The following GUCA1C variants were observed in gnomAD, a reference collection of about 807,000 sequenced individuals.
GUCA1C encodes guanylate cyclase activator 1C, also known as guanylyl cyclase-activating protein 3.
Under a neutral mutation model 16.2 loss-of-function variants are expected in GUCA1C, and 15 were observed. That is an observed-to-expected ratio of 0.93 (90% CI 0.62 to 1.43). The LOEUF (loss-of-function observed/expected upper bound fraction) is 1.43, where lower values mean the gene tolerates loss of function less well. Ranked by LOEUF, GUCA1C falls within the 40% of genes most tolerant of loss-of-function variation. The pLI is 0.00. For synonymous variants in GUCA1C, 78 were observed against 85.4 expected (o/e 0.91, Z 0.48); for missense variants, 275 against 244.8 (o/e 1.12, Z -0.82).
At position 108,908,155 on chromosome 3, in the gene GUCA1C, A is replaced by G; in HGVS notation, c.497T>C (p.Leu166Pro). The G allele has an allele frequency of 1.9e-6, 3 of 1,613,874 alleles. No individual in the cohort carries two copies. Among genetic ancestry groups the G allele is most frequent in the Non-Finnish European group, 2.5e-6 (3 of 1,179,752 alleles). The change falls in exon 4 of 4, where the codon CTG becomes CCG. Residue 166 changes from leucine to proline, a missense_variant. Leu to Pro is a moderately conservative substitution (Grantham distance 98). Coordinates refer to ENST00000261047, the MANE Select transcript of GUCA1C (RefSeq NM_005459.4). ...INGMAKDQDLLEIVYKSFDFS... is the reference protein window; with the variant it reads ...INGMAKDQDLPEIVYKSFDFS... ...GTCGAAGCTCTTGTAAACAATCTCC[A>G]GGAGATCCTGATCTTTTGCCATGCC... is the stretch of plus-strand genomic sequence containing the variant.
intron 1 of GUCA1C, among the ~76,000 whole-genome samples, chr3:108,948,034 T>C (rs1328522067): frequency 1.3e-5 from 2 of 152,182 alleles, no homozygotes; most frequent in African/African-American, 4.8e-5. Flanking sequence ...TTTCTGCATA[T>C]AGCTGTTGAT....
chr3:108,939,635 CTT>C (rs34695037), intron 1 of GUCA1C, among the ~76,000 whole-genome samples: 7 of 146,164 alleles, frequency 4.8e-5, no homozygotes, highest in Admixed American at 6.8e-5. Context: ...CCAAGGCTGA[CTT>C]TTTTTTTTTT....
intron 1 of GUCA1C, among the ~76,000 whole-genome samples, chr3:108,952,614 T>C (rs1454613919): frequency 6.6e-6 from 1 of 152,176 alleles, no homozygotes; most frequent in South Asian, 2.1e-4. Context: ...TGCTAAATTC[T>C]ACACATCCTA....
chr3:108,922,637 T>A (rs2107287543), intron 1 of GUCA1C, among the ~76,000 whole-genome samples: 1 of 152,318 alleles, frequency 6.6e-6, no homozygotes, highest in African/African-American at 2.4e-5. Context: ...TGTGTATATC[T>A]TCTTTTGAGA....
chr3:108,938,558 A>G (rs552063249), intron 1 of GUCA1C, among the ~76,000 whole-genome samples: 1 of 152,328 alleles, frequency 6.6e-6, no homozygotes, highest in East Asian at 1.9e-4. Flanking sequence ...CCTTTTGTGA[A>G]TTTTAAAAAT....
intron 1 of GUCA1C, among the ~76,000 whole-genome samples, chr3:108,927,347 C>A (rs939145054): frequency 2.6e-5 from 4 of 151,912 alleles, no homozygotes; most frequent in African/African-American, 9.7e-5. Context: ...GATTTCTCTT[C>A]TTCCTCAGGA....
intron 1 of GUCA1C, 122 bp from the exon 2 acceptor site, chr3:108,920,707 G>T: frequency 3.5e-6 from 2 of 576,890 alleles, no homozygotes; most frequent in African/African-American, 2.0e-5. Flanking sequence ...TAAGATTTCA[G>T]CATAAAACTT....
intron 1 of GUCA1C, among the ~76,000 whole-genome samples, chr3:108,949,840 G>T (rs1332858745): frequency 6.6e-6 from 1 of 152,120 alleles, no homozygotes; most frequent in East Asian, 1.9e-4. Flanking sequence ...ATGATTAAAA[G>T]AAGCTAATTT....
chr3:108,953,214 T>G (rs975280337), intron 1 of GUCA1C, among the ~76,000 whole-genome samples: 3 of 152,194 alleles, frequency 2.0e-5, no homozygotes, highest in African/African-American at 7.2e-5. Context: ...CACCAATGCA[T>G]TAAATACTTC....
At chr3:108,938,462 A>G (rs1406179274) in intron 1 of GUCA1C, among the ~76,000 whole-genome samples, 1 of 152,252 alleles carries the variant, frequency 6.6e-6, no homozygotes, top group Non-Finnish European at 1.5e-5. Flanking sequence ...CAATTGATCA[A>G]TAATTGTCAG....
intron 3 of GUCA1C, 147 bp from the exon 4 acceptor site, chr3:108,908,356 CA>C (rs540540488): frequency 0.2 from 62,815 of 313,278 alleles, 19 homozygotes; most frequent in East Asian, 0.26. Flanking sequence ...TTCATTTAAA[CA>C]AAAAAAAAAA....
At chr3:108,947,638 T>C (rs1030536651) in intron 1 of GUCA1C, among the ~76,000 whole-genome samples, 4 of 152,180 alleles carry the variant, frequency 2.6e-5, no homozygotes, top group Non-Finnish European at 4.4e-5. Flanking sequence ...TAAATATTTT[T>C]AGGATAAAAT....
intron 1 of GUCA1C, among the ~76,000 whole-genome samples, chr3:108,936,924 C>T (rs1290956584): frequency 6.6e-6 from 1 of 152,146 alleles, no homozygotes; most frequent in African/African-American, 2.4e-5. Flanking sequence ...GGCTCATTCT[C>T]TTTTTATCCT....
At chr3:108,924,039 G>A (rs533367348) in intron 1 of GUCA1C, among the ~76,000 whole-genome samples, 1 of 152,152 alleles carries the variant, frequency 6.6e-6, no homozygotes, top group East Asian at 1.9e-4. Flanking sequence ...TCAGTTCTAG[G>A]GGCTTTTTGG....
intron 1 of GUCA1C, among the ~76,000 whole-genome samples, chr3:108,932,873 G>C (rs1276571338): frequency 7.8e-6 from 1 of 127,856 alleles, no homozygotes; most frequent in Non-Finnish European, 1.5e-5. Flanking sequence ...GGTGAGCCGA[G>C]ATCGCGCCAT....
intron 1 of GUCA1C, among the ~76,000 whole-genome samples, chr3:108,934,161 AC>A (rs1946697482): frequency 6.6e-6 from 1 of 151,446 alleles, no homozygotes; most frequent in South Asian, 2.1e-4. Context: ...GGAACATCAC[AC>A]ACCAGGGCCT....
At chr3:108,919,347 C>A (rs1946549118) in intron 2 of GUCA1C, among the ~76,000 whole-genome samples, 1 of 151,862 alleles carries the variant, frequency 6.6e-6, no homozygotes, top group Non-Finnish European at 1.5e-5. Context: ...TTAGAAAAAG[C>A]TGAGTATTTA....
chr3:108,937,943 C>T (rs35758834), intron 1 of GUCA1C, among the ~76,000 whole-genome samples: 3,966 of 152,004 alleles, frequency 0.026, 78 homozygotes, highest in Middle Eastern at 0.12. Context: ...TGGTGGCAGG[C>T]GCCTGCAATT....
chr3:108,928,177 T>G (rs561039168), intron 1 of GUCA1C, among the ~76,000 whole-genome samples: 1 of 152,356 alleles, frequency 6.6e-6, no homozygotes, highest in Non-Finnish European at 1.5e-5. Flanking sequence ...TTTCCTGGTA[T>G]GTACCTGTGG....
Sources: gnomAD v4.1 joint callset for allele counts (sites outside exome capture counted in the v4.1 genomes callset) on GRCh38, gnomAD v4.1.1 for gene constraint, MANE v1.5 for transcripts, NCBI Gene and HGNC (gene_info 2026-07-23, HGNC 2026-07-21) for gene names.